FSIP2: variants seen among roughly 807,000 people sequenced by gnomAD.
FSIP2 encodes fibrous sheath interacting protein 2.
FSIP2 carries 367 observed loss-of-function variants against 510.5 expected under a neutral mutation model. That is an observed-to-expected ratio of 0.72 (90% CI 0.66 to 0.78). The LOEUF is 0.78. Among genes scored for constraint, FSIP2 ranks in the 30% least tolerant of loss-of-function variants. The pLI is 0.00. For missense variants in FSIP2, 7,594 were observed against 7,901.7 expected (o/e 0.96, Z 1.48); for synonymous variants, 2,601 against 2,732.2 (o/e 0.95, Z 1.50).
intron 13 of FSIP2, among the ~76,000 whole-genome samples, chr2:185,774,408 A>T (rs949270901): frequency 1.3e-5 from 2 of 152,194 alleles, no homozygotes; most frequent in African/African-American, 4.8e-5. Flanking sequence ...ATATGTGGTA[A>T]TTTAAAACTT....
intron 9 of FSIP2, 81 bp downstream of exon 9, chr2:185,756,359 C>G: frequency 2.1e-6 from 1 of 481,312 alleles, no homozygotes; most frequent in Non-Finnish European, 3.6e-6. Context: ...ACTTTTTTCA[C>G]TTAAGTGCAG....
Position 185,761,098 on chromosome 2 carries a change from CA to C in FSIP2, c.1193del (p.Lys398ArgfsTer19). The C allele has an allele frequency of 7.9e-7, 1 of 1,264,026 alleles. No homozygotes were observed. Among genetic ancestry groups the C allele is most frequent in the Non-Finnish European group, 1.1e-6 (1 of 922,024 alleles). The allele number at this position is 1,264,026 out of a possible 1,614,324, so 78.3% of individuals were successfully genotyped here. On this transcript the variant is annotated frameshift_variant, in exon 10 of 23. Coordinates refer to ENST00000424728, the MANE Select transcript of FSIP2 (RefSeq NM_173651.4). LOFTEE classifies it high-confidence loss of function. ...QADVQDNGINQKRDGMVSKNS... is the reference protein window; with the variant it reads ...QADVQDNGINXKRDGMVSKNS... ...AGATGTACAGGATAATGGTATAAAT[CA>C]AAAGGTATACAATTATGCTTTAAAG...
In FSIP2 at chr2:185,791,817, G is replaced by A; in HGVS notation, c.4681G>A (p.Ala1561Thr). ...EETKSKAKPV[A>T]PVSSKTPSTK... ...GACTAAAAGCAAGGCAAAACCTGTT[G>A]CTCCTGTGTCTTCCAAAACACCAAG... Residue 1561 changes from alanine (A) to threonine (T), a missense_variant, in exon 16 of 23, where the codon GCT (alanine) becomes ACT (threonine). Ala to Thr is a moderately conservative substitution (Grantham distance 58). Transcript: ENST00000424728. 2.0e-6 allele frequency: 3 copies of A among 1,533,906 alleles called. No homozygotes were observed. Among genetic ancestry groups the A allele is most frequent in the Non-Finnish European group, 2.6e-6 (3 of 1,145,470 alleles).
Position 185,744,339 on chromosome 2 carries a change from A to C in FSIP2, c.405A>C (p.Arg135Ser). The C allele has an allele frequency of 8.3e-7, 1 of 1,201,116 alleles. No homozygotes were observed. The highest frequency in any genetic ancestry group is 1.1e-6 in the Non-Finnish European group (1 of 924,036). 74.4% of individuals were successfully genotyped at this position (1,201,116 alleles called of 1,614,324 possible). A position where few individuals can be genotyped will look rare whatever the true frequency, so the allele number is the denominator to read the frequency against. The change falls in exon 4 of 23, where the codon AGA becomes AGC. Residue 135 changes from arginine (R) to serine (S), a missense_variant. Transcript: ENST00000424728. ...TSNNKVVCTL[R>S]ELNKYRQYLT... The stretch of plus-strand genomic sequence containing the variant: ...GTTTGTAGGTTGTATGTACCTTGAG[A>C]GAATTGAATAAGTACAGGCAATATC...
chr2:185,794,885 G>T lies in FSIP2; in HGVS notation c.7749G>T (p.Arg2583Ser). 1 of 1,534,232 alleles carries T rather than the reference G, an allele frequency of 6.5e-7. No individual in the cohort carries two copies. Among genetic ancestry groups the T allele is most frequent in the Non-Finnish European group, 8.7e-7 (1 of 1,145,616 alleles). The change falls in exon 16 of 23, where the codon AGG becomes AGT. Residue 2583 changes from arginine (R) to serine (S), a missense_variant. By Grantham distance (110) the Arg-to-Ser change is moderately radical. Transcript: ENST00000424728. Reference sequence around the variant, plus strand: ...ATTCCTTACTAATGAAACCATTAAGGTTTAGAGAAACTAAACAAGCAGGAA... The same window carrying T: ...ATTCCTTACTAATGAAACCATTAAGTTTTAGAGAAACTAAACAAGCAGGAA... ...HNDSLLMKPL[R>S]FRETKQAGKI...
chr2:185,798,903 C>T (rs981483366), intron 16 of FSIP2, among the ~76,000 whole-genome samples: 11 of 151,798 alleles, frequency 7.2e-5, no homozygotes, highest in African/African-American at 2.7e-4. Context: ...TTCCCTGTAT[C>T]TTGACATGGC....
intron 20 of FSIP2, among the ~76,000 whole-genome samples, chr2:185,826,228 C>G (rs1393709570): frequency 1.3e-5 from 2 of 151,758 alleles, no homozygotes; most frequent in African/African-American, 4.8e-5. Context: ...CAAAGCATGG[C>G]TGTACTTCCC....
chr2:185,803,130 G>A lies in FSIP2; in HGVS notation c.13824G>A (p.Glu4608=). ...LSSSDTYFDD[E]RRQLFYTSVY... ...CATCAGACACATATTTTGATGATGA[G>A]AGAAGGCAGTTATTTTATACCAGTG... Residue 4608 remains glutamate, a synonymous_variant, in exon 17 of 23, where the codon GAG becomes GAA. Coordinates refer to ENST00000424728, the MANE Select transcript of FSIP2 (RefSeq NM_173651.4). 1 of 1,522,828 alleles carries A rather than the reference G, an allele frequency of 6.6e-7. No individual in the cohort carries two copies. 94.3% of individuals were successfully genotyped at this position (1,522,828 alleles called of 1,614,324 possible).
chr2:185,756,854 A>C (rs952839178), intron 9 of FSIP2, among the ~76,000 whole-genome samples: 1 of 151,392 alleles, frequency 6.6e-6, no homozygotes, highest in Non-Finnish European at 1.5e-5. Flanking sequence ...TTAACATATA[A>C]ATGTTAAATT....
At chr2:185,766,361 A>G (rs1457805349) in intron 13 of FSIP2, 2 of 149,858 alleles carry the variant, frequency 1.3e-5, no homozygotes, top group African/African-American at 4.9e-5. Flanking sequence ...AAAAGAAACT[A>G]CCATCAGAGT....
chr2:185,755,329 C>T (rs1464544042), intron 8 of FSIP2, among the ~76,000 whole-genome samples: 1 of 151,520 alleles, frequency 6.6e-6, no homozygotes, highest in Non-Finnish European at 1.5e-5. Context: ...CTGTTTAGTT[C>T]ATTGAGGCAA....
chr2:185,751,783 G>A (rs1013343107), intron 7 of FSIP2, among the ~76,000 whole-genome samples: 7 of 150,460 alleles, frequency 4.7e-5, no homozygotes, highest in Non-Finnish European at 1.0e-4. Flanking sequence ...ATTTATTAGG[G>A]TAGCTCTTAA....
chr2:185,786,544 A>T (rs1692983450), intron 15 of FSIP2, among the ~76,000 whole-genome samples: 1 of 151,926 alleles, frequency 6.6e-6, no homozygotes. Flanking sequence ...TGAGATATTA[A>T]CGGATCTATA....
rs993952552 is a variant in FSIP2, at chr2:185,804,406, G to C, written c.15100G>C (p.Asp5034His). ...IVNSVYGKVLDQYKSLIQIHR... is the reference protein window; with the variant it reads ...IVNSVYGKVLHQYKSLIQIHR... ...CAACTCAGTATATGGAAAAGTATTA[G>C]ATCAATATAAATCTCTGATTCAAAT... The change falls in exon 17 of 23, where the codon GAT becomes CAT. Residue 5034 changes from aspartate to histidine, a missense_variant. Physicochemically the swap from Asp to His is moderately conservative, Grantham distance 81. Coordinates refer to ENST00000424728, the MANE Select transcript of FSIP2 (RefSeq NM_173651.4). 6.0e-6 allele frequency: 9 copies of C among 1,507,840 alleles called. No homozygotes were observed. In the African/African-American group the frequency reaches 1.3e-4, roughly 21 times the overall value. 93.4% of individuals were successfully genotyped at this position (1,507,840 alleles called of 1,614,324 possible). A position where few individuals can be genotyped will look rare whatever the true frequency, so the allele number is the denominator to read the frequency against.
At position 185,794,365 on chromosome 2, in the gene FSIP2, G is replaced by T. The variant is rs1329052774; in HGVS notation, c.7229G>T (p.Cys2410Phe). The change falls in exon 16 of 23, where the codon TGT becomes TTT. Residue 2410 changes from cysteine to phenylalanine, a missense_variant. Physicochemically the swap from Cys to Phe is radical, Grantham distance 205. Coordinates refer to ENST00000424728, the MANE Select transcript of FSIP2 (RefSeq NM_173651.4). ...GATAAAAGATCTGTAAAGGAAATTTGTTTTAATTCAAAAGAAAATTCTAAC... is the reference window on the plus strand; with the variant it reads ...GATAAAAGATCTGTAAAGGAAATTTTTTTTAATTCAAAAGAAAATTCTAAC... ...LDDKRSVKEI[C>F]FNSKENSNFS... The T allele has an allele frequency of 1.3e-6, 2 of 1,516,324 alleles. No homozygotes were observed. The highest frequency in any genetic ancestry group is 1.8e-6 in the Non-Finnish European group (2 of 1,138,444). The allele number at this position is 1,516,324 out of a possible 1,614,324, so 93.9% of individuals were successfully genotyped here.
intron 19 of FSIP2, 133 bp from the exon 20 acceptor site, chr2:185,824,301 A>C: frequency 1.5e-6 from 1 of 656,702 alleles, no homozygotes; most frequent in East Asian, 2.8e-5. Context: ...TTTTTATGTG[A>C]TTTGGAATCT....
Position 185,814,052 on chromosome 2 carries a change from A to G in FSIP2, c.20325+10A>G, listed in dbSNP as rs1693788996. On this transcript the variant is annotated intron_variant, in intron 18 of 22. Coordinates refer to ENST00000424728, the MANE Select transcript of FSIP2 (RefSeq NM_173651.4). ...AAAGCCCCAGTGTAAGGTAAGTGATAAGCATGACTGTTAGTGACTAGAAAG... is the reference window on the plus strand; with the variant it reads ...AAAGCCCCAGTGTAAGGTAAGTGATGAGCATGACTGTTAGTGACTAGAAAG... The G allele has an allele frequency of 6.2e-7, 1 of 1,603,268 alleles. No homozygotes were observed. Among genetic ancestry groups the G allele is most frequent in the African/African-American group, 1.3e-5 (1 of 74,598 alleles).
chr2:185,789,748 A>G lies in FSIP2; in HGVS notation c.2612A>G (p.Asn871Ser), dbSNP rs16827127. The G allele has an allele frequency of 5.2e-5, 80 of 1,534,538 alleles. No homozygotes were observed. The East Asian group carries it at 8.3e-4, about 16-fold the overall frequency. ...ATGTTCCTTCAAAGAGCTGGCAAAA[A>G]TAAATCTAGTCTTGAATCTGATGAA... ...ICMFLQRAGKNKSSLESDEAS... is the reference protein window; with the variant it reads ...ICMFLQRAGKSKSSLESDEAS... The change falls in exon 16 of 23, where the codon AAT (asparagine) becomes AGT (serine). Residue 871 changes from asparagine (N) to serine (S), a missense_variant. Asn to Ser is a conservative substitution (Grantham distance 46). Coordinates refer to ENST00000424728, the MANE Select transcript of FSIP2 (RefSeq NM_173651.4).
intron 14 of FSIP2, chr2:185,784,151 A>C (rs1290101429): frequency 1.3e-5 from 2 of 152,140 alleles, no homozygotes; most frequent in South Asian, 2.1e-4. Context: ...GTTTAATGTT[A>C]CAAAAGATTT....
Sources: gnomAD v4.1 joint callset for allele counts (sites outside exome capture counted in the v4.1 genomes callset) on GRCh38, gnomAD v4.1.1 for gene constraint, MANE v1.5 for transcripts, NCBI Gene and HGNC (gene_info 2026-07-23, HGNC 2026-07-21) for gene names.